SCML4: variants seen among roughly 807,000 people sequenced by gnomAD.
SCML4 encodes sex comb on midleg-like protein 4.
In SCML4, 34 loss-of-function variants were observed where a neutral mutation model predicts 41.1. That is an observed-to-expected ratio of 0.83 (90% CI 0.63 to 1.10). The LOEUF (loss-of-function observed/expected upper bound fraction) is 1.10. SCML4 is among the 50% of genes least tolerant of loss of function. SCML4 has a pLI of 0.00. For missense variants in SCML4, 522 were observed against 534.1 expected, an observed-to-expected ratio of 0.98 and a Z score of 0.22; for synonymous variants, 214 against 220.9, an observed-to-expected ratio of 0.97 and a Z score of 0.28.
chr6:107,773,798 AGTG>A (rs1780707902), intron 1 of SCML4, among the ~76,000 whole-genome samples: 1 of 152,156 alleles, frequency 6.6e-6, no homozygotes, highest in Admixed American at 6.6e-5. Flanking sequence ...TTTAAGGATT[AGTG>A]GTACCTTACA....
At chr6:107,834,574 C>A in the SCML4 span, among the ~76,000 whole-genome samples, 2 of 152,292 alleles carry the variant, frequency 1.3e-5, no homozygotes, top group South Asian at 4.1e-4. Flanking sequence ...CCACCAGTGA[C>A]AATACGCATT....
intron 1 of SCML4, among the ~76,000 whole-genome samples, chr6:107,812,880 T>TACACACACACACACAC (rs141469245): frequency 3.5e-5 from 5 of 141,366 alleles, no homozygotes; most frequent in African/African-American, 5.3e-5. Context: ...CACAGACACA[T>TACACACACACACACAC]ACACACACAC....
chr6:107,802,580 G>GAAGA (rs1562272837), intron 1 of SCML4, among the ~76,000 whole-genome samples: 1 of 36,410 alleles, frequency 2.7e-5, no homozygotes, highest in African/African-American at 8.1e-5. Context: ...GGGAGGGAGG[G>GAAGA]AGGAAGGAAG....
chr6:107,716,070 G>A (rs1774756905), intron 6 of SCML4, among the ~76,000 whole-genome samples: 1 of 152,160 alleles, frequency 6.6e-6, no homozygotes, highest in Admixed American at 6.5e-5. Flanking sequence ...GACGCTGGCG[G>A]TTTCTCTCCC....
At chr6:107,842,739 A>G in the SCML4 span, among the ~76,000 whole-genome samples, 2 of 152,190 alleles carry the variant, frequency 1.3e-5, no homozygotes, top group African/African-American at 2.4e-5. Context: ...AACCATTGAG[A>G]GAAGAATGTT....
At chr6:107,755,613 T>C in intron 2 of SCML4, 5 of 1,347,032 alleles carry the variant, frequency 3.7e-6, no homozygotes, top group Non-Finnish European at 3.9e-6. Context: ...TGTCGCAACC[T>C]ATCCAAGCTG....
intron 1 of SCML4, among the ~76,000 whole-genome samples, chr6:107,808,965 A>G (rs1219434865): frequency 3.3e-5 from 5 of 152,000 alleles, no homozygotes; most frequent in Admixed American, 3.3e-4. Flanking sequence ...CATCAGTGCT[A>G]TGGTTTGAAT....
intron 1 of SCML4, among the ~76,000 whole-genome samples, chr6:107,787,836 C>T (rs530333108): frequency 6.6e-6 from 1 of 152,330 alleles, no homozygotes; most frequent in South Asian, 2.1e-4. Flanking sequence ...GATTTTCAGG[C>T]ATATAGATGC....
intron 1 of SCML4, among the ~76,000 whole-genome samples, chr6:107,813,943 T>G (rs1343396991): frequency 6.6e-6 from 1 of 152,222 alleles, no homozygotes; most frequent in Non-Finnish European, 1.5e-5. Context: ...CCTCTCCATG[T>G]GCCTTTGGCT....
chr6:107,720,496 C>T, intron 6 of SCML4: 1 of 1,351,618 alleles, frequency 7.4e-7, no homozygotes, highest in Non-Finnish European at 9.5e-7. Flanking sequence ...CTAGCCTGCC[C>T]TAATACACGA....
chr6:107,813,340 G>A (rs992915305), intron 1 of SCML4, among the ~76,000 whole-genome samples: 23 of 141,316 alleles, frequency 1.6e-4, no homozygotes, highest in African/African-American at 5.7e-4. Flanking sequence ...TCCAGCCTGG[G>A]TGACAGAGTG....
At chr6:107,808,917 T>C (rs1783948839) in intron 1 of SCML4, among the ~76,000 whole-genome samples, 1 of 152,190 alleles carries the variant, frequency 6.6e-6, no homozygotes, top group African/African-American at 2.4e-5. Flanking sequence ...GTGTGAGCAA[T>C]GGAATCTATC....
At chr6:107,771,576 GA>G (rs1264299535) in intron 2 of SCML4, among the ~76,000 whole-genome samples, 3 of 152,136 alleles carry the variant, frequency 2.0e-5, no homozygotes, top group Admixed American at 1.3e-4. Flanking sequence ...AGGGTCACAG[GA>G]ATGTAATTTT....
At chr6:107,827,227 T>C (rs1287083551), upstream of SCML4, among the ~76,000 whole-genome samples, 1 of 147,302 alleles carries the variant, frequency 6.8e-6, no homozygotes, top group Non-Finnish European at 1.5e-5. Flanking sequence ...AATATATCTT[T>C]ATATTTTTAT....
chr6:107,803,921 G>T (rs1372746658), intron 1 of SCML4, among the ~76,000 whole-genome samples: 1 of 151,626 alleles, frequency 6.6e-6, no homozygotes, highest in Non-Finnish European at 1.5e-5. Flanking sequence ...GCGGAAGGCC[G>T]CAGGGTCCTC....
At position 107,707,914 on chromosome 6, in the gene SCML4, G is replaced by A. The variant is rs56206643; in HGVS notation, c.1071C>T (p.Asp357=). ...GAGGCCCCAGAGCCTGTGGGTCGGC[G>A]TCCTTCACAAACCACACCACGTCCT... ...TVEDVVWFVK[D]ADPQALGPHV... The change falls in exon 7 of 8, where the codon GAC becomes GAT. Residue 357 remains aspartate, a synonymous_variant. Coordinates refer to ENST00000369020, the MANE Select transcript of SCML4 (RefSeq NM_198081.5). The A allele has an allele frequency of 1.1e-3, 1,760 of 1,551,636 alleles. 1 individual carries two copies. Among genetic ancestry groups the A allele is most frequent in the Non-Finnish European group, 1.4e-3 (1,550 of 1,146,978 alleles).
intron 5 of SCML4, among the ~76,000 whole-genome samples, chr6:107,731,624 C>T (rs1337223227): frequency 2.6e-5 from 4 of 152,200 alleles, no homozygotes; most frequent in African/African-American, 4.8e-5. Context: ...ACCCCTTTGC[C>T]GGTCTGCCCA....
chr6:107,815,662 T>C (rs1044846020), intron 1 of SCML4, among the ~76,000 whole-genome samples: 2 of 152,240 alleles, frequency 1.3e-5, no homozygotes, highest in South Asian at 2.1e-4. Flanking sequence ...CTTCTTTCTG[T>C]TGCCCAGAGG....
chr6:107,776,902 A>G (rs954011301), intron 1 of SCML4, among the ~76,000 whole-genome samples: 2 of 152,244 alleles, frequency 1.3e-5, no homozygotes, highest in Non-Finnish European at 2.9e-5. Context: ...ATATGTACAT[A>G]TACATGCATA....
Sources: allele counts gnomAD v4.1 joint callset (sites outside exome capture counted in the v4.1 genomes callset), GRCh38; gene constraint gnomAD v4.1.1; transcripts MANE v1.5; gene names NCBI Gene and HGNC (gene_info 2026-07-23, HGNC 2026-07-21).